Variants in VOPP1 observed in about 807,000 individuals in gnomAD.
VOPP1 encodes VOPP1 WW domain binding protein, also known as WW domain binding protein VOPP1.
In VOPP1, 8 loss-of-function variants were observed where a neutral mutation model predicts 23.5. That is an observed-to-expected ratio of 0.34 (90% confidence interval 0.20 to 0.61). The LOEUF is 0.61. Ranked by LOEUF, VOPP1 falls within the 20% of genes least tolerant of loss-of-function variation. The probability of loss-of-function intolerance (pLI) is 0.78; values close to 1 mark genes in which losing one functional copy is unlikely to be tolerated. For missense variants in VOPP1, 174 were observed against 238.1 expected (o/e 0.73, Z 1.77); for synonymous variants, 83 against 97.3 (o/e 0.85, Z 0.86).
chr7:55,491,470 C>A (rs1793563594), intron 4 of VOPP1, among the ~76,000 whole-genome samples: 1 of 152,178 alleles, frequency 6.6e-6, no homozygotes, highest in South Asian at 2.1e-4. Context: ...CATGGCGGTG[C>A]AGACATCAGC....
chr7:55,500,828 T>G (rs1300902067), intron 2 of VOPP1, among the ~76,000 whole-genome samples: 2 of 152,248 alleles, frequency 1.3e-5, no homozygotes, highest in African/African-American at 4.8e-5. Context: ...GGTCACTGTC[T>G]GCAGAAGCGA....
chr7:55,445,236 CACACACAG>C (rs756895138), intron 4 of VOPP1, among the ~76,000 whole-genome samples: 66 of 136,908 alleles, frequency 4.8e-4, no homozygotes, highest in African/African-American at 1.4e-3. Context: ...CACAGACACA[CACACACAG>C]ACACACACAC....
chr7:55,435,060 C>T (rs897236985), downstream of VOPP1, among the ~76,000 whole-genome samples: 9 of 152,228 alleles, frequency 5.9e-5, no homozygotes, highest in Admixed American at 5.9e-4. Context: ...AAACCATCTC[C>T]ACTCCCGCCC....
At chr7:55,487,629 A>G (rs953342066) in intron 4 of VOPP1, among the ~76,000 whole-genome samples, 3 of 152,216 alleles carry the variant, frequency 2.0e-5, no homozygotes, top group Admixed American at 2.0e-4. Flanking sequence ...GGCTAGCCTC[A>G]TGACCATTTC....
chr7:55,520,143 A>AATG (rs1330593797), intron 2 of VOPP1, among the ~76,000 whole-genome samples: 1 of 152,080 alleles, frequency 6.6e-6, no homozygotes, highest in East Asian at 1.9e-4. Flanking sequence ...TAATAATAAT[A>AATG]ATGACAGGTA....
chr7:55,468,285 A>G (rs370156557), downstream of VOPP1, among the ~76,000 whole-genome samples: 1,680 of 150,996 alleles, frequency 0.011, 15 homozygotes, highest in South Asian at 0.03. Context: ...AAAAAAAAAA[A>G]AAAGAAAAAA....
intron 2 of VOPP1, among the ~76,000 whole-genome samples, chr7:55,508,579 C>T: frequency 6.6e-6 from 1 of 152,200 alleles, no homozygotes; most frequent in Admixed American, 6.5e-5. Context: ...GTTTTTGAAA[C>T]TCCACCTTTG....
intron 4 of VOPP1, among the ~76,000 whole-genome samples, chr7:55,443,571 C>G (rs1583786902): frequency 6.6e-6 from 1 of 151,632 alleles, no homozygotes; most frequent in Non-Finnish European, 1.5e-5. Context: ...AAAACAAAAC[C>G]AAACAAACAA....
intron 4 of VOPP1, among the ~76,000 whole-genome samples, chr7:55,479,933 C>A (rs548274382): frequency 2.0e-5 from 3 of 152,264 alleles, no homozygotes; most frequent in East Asian, 3.9e-4. Flanking sequence ...CTCTTCAGCA[C>A]CTACTGAGAC....
intron 4 of VOPP1, among the ~76,000 whole-genome samples, chr7:55,439,959 G>A (rs1486560563): frequency 6.6e-6 from 1 of 152,238 alleles, no homozygotes; most frequent in Non-Finnish European, 1.5e-5. Context: ...TCGAGAATGT[G>A]TATTTCTAAC....
chr7:55,485,276 C>T (rs192655658), intron 4 of VOPP1, among the ~76,000 whole-genome samples: 197 of 152,306 alleles, frequency 1.3e-3, no homozygotes, highest in African/African-American at 4.5e-3. Flanking sequence ...CCACAGGGAA[C>T]CAAGGCTGAA....
intron 4 of VOPP1, among the ~76,000 whole-genome samples, chr7:55,439,778 G>A (rs996682632): frequency 6.6e-6 from 1 of 152,238 alleles, no homozygotes; most frequent in African/African-American, 2.4e-5. Context: ...TGCTGCCTGA[G>A]GATGGAGGAG....
At chr7:55,552,786 C>T (rs1161362314) in intron 1 of VOPP1, 5 of 1,513,492 alleles carry the variant, frequency 3.3e-6, no homozygotes, top group Non-Finnish European at 4.4e-6. Context: ...AGCCTGTTCT[C>T]CTAGGAAACC....
chr7:55,458,994 T>TCC (rs1255706896), intron 4 of VOPP1, among the ~76,000 whole-genome samples: 1 of 152,202 alleles, frequency 6.6e-6, no homozygotes, highest in Non-Finnish European at 1.5e-5. Flanking sequence ...CCCCATTTAG[T>TCC]ATGATGTCAG....
At chr7:55,568,823 T>C (rs1284501537) in intron 1 of VOPP1, among the ~76,000 whole-genome samples, 1 of 152,214 alleles carries the variant, frequency 6.6e-6, no homozygotes, top group Non-Finnish European at 1.5e-5. Context: ...AAGGAGTTAC[T>C]GTGTGAAGGC....
chr7:55,517,241 G>A (rs1242774561), intron 2 of VOPP1, among the ~76,000 whole-genome samples: 1 of 151,604 alleles, frequency 6.6e-6, no homozygotes, highest in Non-Finnish European at 1.5e-5. Flanking sequence ...GAGCAACCGT[G>A]CCCGGCCTAA....
At chr7:55,458,101 A>G (rs1791412761) in intron 4 of VOPP1, among the ~76,000 whole-genome samples, 1 of 152,278 alleles carries the variant, frequency 6.6e-6, no homozygotes, top group East Asian at 1.9e-4. Context: ...ATTTTTGTGT[A>G]TGGTGAGACA....
chr7:55,501,594 C>T (rs989939918), intron 2 of VOPP1, among the ~76,000 whole-genome samples: 3 of 152,200 alleles, frequency 2.0e-5, no homozygotes, highest in Non-Finnish European at 2.9e-5. Flanking sequence ...AGTCAAATGG[C>T]TCTTACCATT....
intron 1 of VOPP1, among the ~76,000 whole-genome samples, chr7:55,561,261 C>G (rs577345695): frequency 3.9e-5 from 6 of 152,212 alleles, no homozygotes; most frequent in Admixed American, 6.5e-5. Flanking sequence ...CTATGTGCAC[C>G]TTCCCTCTTG....
Sources: allele counts gnomAD v4.1 joint callset (sites outside exome capture counted in the v4.1 genomes callset), GRCh38; gene constraint gnomAD v4.1.1; transcripts MANE v1.5; gene names NCBI Gene and HGNC (gene_info 2026-07-23, HGNC 2026-07-21).